CSMD1: variants seen among roughly 807,000 people sequenced by gnomAD.
CSMD1 encodes the protein CUB and sushi domain-containing protein 1.
In CSMD1, 213 loss-of-function variants were observed where a neutral mutation model predicts 417.5. The ratio of observed to expected loss-of-function variants is 0.51; its 90% CI spans 0.46 to 0.57. The LOEUF is 0.57. Ranked by LOEUF, CSMD1 falls within the 20% of genes least tolerant of loss-of-function variation. The probability of loss-of-function intolerance (pLI) is 0.00; values close to 1 mark genes in which losing one functional copy is unlikely to be tolerated. For missense variants in CSMD1, 6,923 were observed against 4,529.7 expected (o/e 1.53, Z -15.17); for synonymous variants, 2,862 against 1,736.8 (o/e 1.65, Z -16.11).
intron 52 of CSMD1, among the ~76,000 whole-genome samples, chr8:3,015,565 CA>C (rs1185514163): frequency 1.3e-5 from 2 of 150,966 alleles, no homozygotes; most frequent in East Asian, 1.9e-4. Flanking sequence ...CAATAGTAAA[CA>C]AAAAAAAGGA....
At chr8:4,228,591 T>TTTG (rs1230615979) in intron 3 of CSMD1, among the ~76,000 whole-genome samples, 1 of 135,052 alleles carries the variant, frequency 7.4e-6, no homozygotes, top group Non-Finnish European at 1.6e-5. Flanking sequence ...TGTCAGATCT[T>TTTG]TTTTTTTTTT....
chr8:4,139,892 G>C lies in CSMD1; in HGVS notation c.416-107793C>G, dbSNP rs567505121. ...ATCAGCATGTTCATCAGAAGCAAGG[G>C]TGGAAGGGAGGACACCTCATCTTCA... On this transcript the variant is annotated intron_variant, in intron 3 of 69. Transcript: ENST00000635120. Among the ~76,000 whole-genome samples the C allele has an allele frequency of 3.9e-4, 59 of 151,076 alleles. 5 individuals are homozygous for C. Among genetic ancestry groups the C allele is most frequent in the African/African-American group, 1.4e-3 (55 of 40,404 alleles).
intron 3 of CSMD1, among the ~76,000 whole-genome samples, chr8:4,116,288 C>T (rs941148198): frequency 3.3e-5 from 5 of 152,060 alleles, no homozygotes; most frequent in African/African-American, 7.3e-5. Flanking sequence ...GCCACCGCAC[C>T]CAACATAAAA....
chr8:3,774,562 G>C (rs1007775901), intron 5 of CSMD1, among the ~76,000 whole-genome samples: 10 of 152,278 alleles, frequency 6.6e-5, no homozygotes, highest in Admixed American at 6.5e-4. Context: ...TTAGTGGACA[G>C]AACGTCATGT....
chr8:3,127,593 T>A (rs1817575557), intron 41 of CSMD1: 1 of 152,192 alleles, frequency 6.6e-6, no homozygotes, highest in African/African-American at 2.4e-5. Flanking sequence ...AGTTTTATGA[T>A]TGTGATGAAG....
At chr8:3,269,386 C>G (rs867458449) in intron 26 of CSMD1, among the ~76,000 whole-genome samples, 1 of 152,232 alleles carries the variant, frequency 6.6e-6, no homozygotes, top group East Asian at 1.9e-4. Flanking sequence ...GGACCATCAA[C>G]CACACAGGCT....
chr8:3,093,925 C>G (rs543354695), intron 47 of CSMD1, among the ~76,000 whole-genome samples: 1 of 152,028 alleles, frequency 6.6e-6, no homozygotes, highest in Non-Finnish European at 1.5e-5. Flanking sequence ...ATTTCATAAT[C>G]AAAGACAAAG....
In CSMD1 at chr8:3,628,913, T is replaced by C. The variant is rs187930574; in HGVS notation, c.1010-12116A>G. ...CAAAACGAAGACAGGCAGGAAAAAA[T>C]AAGAGAAGGAATAAAAAGAGTAGGA... On this transcript the variant is annotated intron_variant, in intron 7 of 69. Transcript: ENST00000635120. Among the ~76,000 whole-genome samples, 3 of 146,168 alleles carry C rather than the reference T, an allele frequency of 2.1e-5. No homozygotes were observed. The East Asian group carries it at 6.0e-4, about 29-fold the overall frequency.
chr8:4,032,022 C>T lies in CSMD1; in HGVS notation c.493G>A (p.Asp165Asn). 3 of 1,613,974 alleles carry T rather than the reference C, an allele frequency of 1.9e-6. No homozygotes were observed. Among genetic ancestry groups the T allele is most frequent in the Non-Finnish European group, 2.5e-6 (3 of 1,179,880 alleles). ...VLHGTRFNIG[D>N]KIRYSCLPGY... ...GGGAGGCAGCTGTACCGGATTTTGT[C>T]TCCTATGTTGAATCTCGTTCCATGC... is the stretch of plus-strand genomic sequence containing the variant. The change falls in exon 4 of 70, where the codon GAC (aspartate) becomes AAC (asparagine). Residue 165 changes from aspartate to asparagine, a missense_variant. By Grantham distance (23) the Asp-to-Asn change is conservative. Transcript: ENST00000635120.
chr8:4,655,281 T>C (rs1213728415), intron 1 of CSMD1, among the ~76,000 whole-genome samples: 1 of 152,126 alleles, frequency 6.6e-6, no homozygotes, highest in East Asian at 1.9e-4. Context: ...GTCACTGCCA[T>C]GCTGCTATCC....
intron 10 of CSMD1, among the ~76,000 whole-genome samples, chr8:3,504,877 G>C (rs578039001): frequency 6.6e-6 from 1 of 152,126 alleles, no homozygotes; most frequent in African/African-American, 2.4e-5. Flanking sequence ...TGGCAAATGT[G>C]GCAAGGAAAA....
At chr8:3,937,994 ATAAC>A (rs1443313056) in intron 5 of CSMD1, among the ~76,000 whole-genome samples, 1 of 152,202 alleles carries the variant, frequency 6.6e-6, no homozygotes, top group Non-Finnish European at 1.5e-5. Context: ...GAATTTCAAA[ATAAC>A]TAACTATAAA....
In CSMD1 at chr8:4,422,217, G is replaced by A. The variant is rs190422940; in HGVS notation, c.303-2152C>T. Among the ~76,000 whole-genome samples, 950 of 152,178 alleles carry A rather than the reference G, an allele frequency of 6.2e-3. 11 individuals carry two copies. Among genetic ancestry groups the A allele is most frequent in the African/African-American group, 0.022 (893 of 41,534 alleles). ...TAACACCAGTCGTACACACTTTAAA[G>A]AATTAACACTAATTCTACACAGTCT... is the stretch of plus-strand genomic sequence containing the variant. On this transcript the variant is annotated intron_variant, in intron 2 of 69. Transcript: ENST00000635120.
intron 5 of CSMD1, among the ~76,000 whole-genome samples, chr8:3,934,141 A>G (rs951356242): frequency 1.3e-5 from 2 of 152,190 alleles, no homozygotes; most frequent in African/African-American, 4.8e-5. Flanking sequence ...CACAAAAAAG[A>G]TGAGCTCATA....
At chr8:3,548,706 G>A (rs1477219380) in intron 10 of CSMD1, among the ~76,000 whole-genome samples, 2 of 116,726 alleles carry the variant, frequency 1.7e-5, no homozygotes, top group Non-Finnish European at 3.7e-5. Context: ...ACACACCATG[G>A]TTTCTTTTTC....
At chr8:3,480,066 A>G (rs1817647720) in intron 11 of CSMD1, among the ~76,000 whole-genome samples, 1 of 152,124 alleles carries the variant, frequency 6.6e-6, no homozygotes, top group Non-Finnish European at 1.5e-5. Flanking sequence ...ACAGACTACA[A>G]ATGGAAAAGG....
intron 2 of CSMD1, among the ~76,000 whole-genome samples, chr8:4,421,138 G>T (rs1460593159): frequency 1.4e-5 from 2 of 146,618 alleles, no homozygotes; most frequent in Non-Finnish European, 3.0e-5. Context: ...CTGATGAATG[G>T]AAAAAGAAAC....
At chr8:4,385,434 G>A (rs191185286) in intron 3 of CSMD1, among the ~76,000 whole-genome samples, 3 of 152,156 alleles carry the variant, frequency 2.0e-5, no homozygotes, top group Non-Finnish European at 4.4e-5. Context: ...ATTTCACTTA[G>A]TACATGTTTC....
intron 5 of CSMD1, among the ~76,000 whole-genome samples, chr8:3,780,673 C>T (rs559053943): frequency 1.3e-5 from 2 of 152,328 alleles, no homozygotes; most frequent in South Asian, 2.1e-4. Context: ...CTGTGCAAAC[C>T]GCTTCAGTTG....
Sources: gnomAD v4.1 joint callset for allele counts (sites outside exome capture counted in the v4.1 genomes callset) on GRCh38, gnomAD v4.1.1 for gene constraint, MANE v1.5 for transcripts, NCBI Gene and HGNC (gene_info 2026-07-23, HGNC 2026-07-21) for gene names.